ALG14: variants seen among roughly 807,000 people sequenced by gnomAD.
ALG14 encodes UDP-N-acetylglucosamine transferase subunit ALG14.
In ALG14, 17 loss-of-function variants were observed where a neutral mutation model predicts 22.8. The observed-to-expected ratio is 0.75, with a 90% CI of 0.51 to 1.12. ALG14 has a LOEUF of 1.12. Among genes scored for constraint, ALG14 ranks in the 50% most tolerant of loss-of-function variants. The pLI is 0.00. For synonymous variants in ALG14, 89 were observed against 103.7 expected, an observed-to-expected ratio of 0.86 and a Z score of 0.86; for missense variants, 288 against 271.8, an observed-to-expected ratio of 1.06 and a Z score of -0.42.
chr1:94,992,872 AAC>A (rs1156477101), intron 3 of ALG14, among the ~76,000 whole-genome samples: 5 of 152,230 alleles, frequency 3.3e-5, no homozygotes, highest in South Asian at 4.2e-4. Context: ...GAAAGCATTT[AAC>A]ACAGTGCTTG....
chr1:94,993,085 T>C (rs950798458), intron 3 of ALG14, among the ~76,000 whole-genome samples: 23 of 148,962 alleles, frequency 1.5e-4, no homozygotes, highest in Non-Finnish European at 2.8e-4. Flanking sequence ...TGACCTGGCA[T>C]GACTTAGCCT....
chr1:95,021,290 T>A (rs1174135154), intron 3 of ALG14, among the ~76,000 whole-genome samples: 1 of 152,182 alleles, frequency 6.6e-6, no homozygotes, highest in African/African-American at 2.4e-5. Flanking sequence ...CGCTCTAGAA[T>A]AGGTGCTAGC....
intron 2 of ALG14, among the ~76,000 whole-genome samples, chr1:95,056,093 T>C (rs959257160): frequency 2.0e-5 from 3 of 150,294 alleles, no homozygotes; most frequent in African/African-American, 7.3e-5. Flanking sequence ...GGGTGAGGGA[T>C]AGACAAACAA....
rs1673764212 is a variant in ALG14 at position 95,024,745 on chromosome 1, T to TC, written c.420+2383dup. On this transcript the variant is annotated intron_variant, in intron 3 of 3. Coordinates refer to ENST00000370205, the MANE Select transcript of ALG14 (RefSeq NM_144988.4). ...ATCCTATCACAGAATAGGGTCCTAG[T>TC]CAAGTTTCATCATGAGATTTTAGGA... Among the ~76,000 whole-genome samples, 4 of 152,190 alleles carry TC rather than the reference T, an allele frequency of 2.6e-5. No homozygotes were observed. In the South Asian group the frequency reaches 6.2e-4, roughly 24 times the overall value.
chr1:95,069,072 C>T (rs542559304), intron 1 of ALG14, among the ~76,000 whole-genome samples: 1 of 152,318 alleles, frequency 6.6e-6, no homozygotes, highest in East Asian at 1.9e-4. Flanking sequence ...GTGCTATCAC[C>T]TTCTTTTCAC....
At chr1:95,035,392 C>T (rs1235847845) in intron 2 of ALG14, among the ~76,000 whole-genome samples, 1 of 152,222 alleles carries the variant, frequency 6.6e-6, no homozygotes, top group Admixed American at 6.5e-5. Flanking sequence ...ACCTTTCCAT[C>T]TCAGCTTCCT....
chr1:95,007,728 T>C (rs1228593779), intron 3 of ALG14, among the ~76,000 whole-genome samples: 1 of 152,234 alleles, frequency 6.6e-6, no homozygotes, highest in Non-Finnish European at 1.5e-5. Context: ...ATGGAAACTA[T>C]AGCAGACCTC....
chr1:95,044,693 G>C (rs919132887), intron 2 of ALG14, among the ~76,000 whole-genome samples: 1 of 152,030 alleles, frequency 6.6e-6, no homozygotes, highest in African/African-American at 2.4e-5. Flanking sequence ...CCTTCTAACA[G>C]ACTTTACTAT....
In ALG14 at chr1:94,980,179, AG is replaced by A. The variant is rs1672471495; in HGVS notation, c.*2896del. 1.3e-5 allele frequency: 2 copies of A among 152,164 alleles called. No individual in the cohort carries two copies. The highest frequency in any genetic ancestry group is 6.5e-5 in the Admixed American group (1 of 15,282). 9.4% of individuals were successfully genotyped at this position (152,164 alleles called of 1,614,324 possible). On this transcript the variant is annotated 3_prime_UTR_variant, in exon 4 of 4. Coordinates refer to ENST00000370205, the MANE Select transcript of ALG14 (RefSeq NM_144988.4). ...TGATGTGTTCCAAGTTGCTTTTATA[AG>A]GGGAAGCTTGGGTCATCTCCTTCCT...
In ALG14 at chr1:94,993,160, C is replaced by T. The variant is rs963548887; in HGVS notation, c.421-9854G>A. Among the ~76,000 whole-genome samples, 3 of 148,532 alleles carry T rather than the reference C, an allele frequency of 2.0e-5. No individual in the cohort carries two copies. In the Admixed American group the frequency reaches 2.1e-4, roughly 10 times the overall value. On this transcript the variant is annotated intron_variant, in intron 3 of 3. Transcript: ENST00000370205. Reference sequence around the variant, plus strand: ...CACTTTGGTCTCTTTGTCTTCCAGTCTTATATATCACTTGGAGTAGACTGG... The same window carrying T: ...CACTTTGGTCTCTTTGTCTTCCAGTTTTATATATCACTTGGAGTAGACTGG...
chr1:94,992,255 C>T (rs148782307), intron 3 of ALG14, among the ~76,000 whole-genome samples: 5 of 152,054 alleles, frequency 3.3e-5, no homozygotes, highest in Admixed American at 3.3e-4. Context: ...CTTGTTTACC[C>T]GTGCTACATT....
chr1:95,019,691 G>C (rs937627364), intron 3 of ALG14, among the ~76,000 whole-genome samples: 2 of 152,132 alleles, frequency 1.3e-5, no homozygotes, highest in African/African-American at 4.8e-5. Flanking sequence ...GTAAAGAAGC[G>C]ATAACCTGGC....
At chr1:95,062,531 T>A (rs896695503) in intron 2 of ALG14, among the ~76,000 whole-genome samples, 1 of 152,188 alleles carries the variant, frequency 6.6e-6, no homozygotes, top group East Asian at 1.9e-4. Context: ...CTCCTACTTA[T>A]AAGTGAAAAC....
intron 1 of ALG14, among the ~76,000 whole-genome samples, chr1:95,068,482 G>A (rs1388707735): frequency 6.6e-6 from 1 of 152,042 alleles, no homozygotes; most frequent in African/African-American, 2.4e-5. Context: ...TAGAGATGGG[G>A]TTTTGCCATG....
intron 3 of ALG14, among the ~76,000 whole-genome samples, chr1:94,997,188 C>G (rs1242379920): frequency 6.6e-6 from 1 of 152,150 alleles, no homozygotes; most frequent in Non-Finnish European, 1.5e-5. Context: ...AAATGGTTTG[C>G]TGCAGGTGCT....
In ALG14 at chr1:94,978,522, C is replaced by T. The variant is rs1340925721; in HGVS notation, c.*4554G>A. The stretch of plus-strand genomic sequence containing the variant: ...TTCATTATTCCTTCCACAGGTGTTT[C>T]TAAGAACAAGGACTGCAATTCGATG... On this transcript the variant is annotated 3_prime_UTR_variant, in exon 4 of 4. Coordinates refer to ENST00000370205, the MANE Select transcript of ALG14 (RefSeq NM_144988.4). The T allele has an allele frequency of 6.6e-6, 1 of 152,172 alleles. No individual in the cohort carries two copies. Among genetic ancestry groups the T allele is most frequent in the East Asian group, 1.9e-4 (1 of 5,192 alleles). The allele number at this position is 152,172 out of a possible 1,614,324, so 9.4% of individuals were successfully genotyped here.
Position 95,027,246 on chromosome 1 carries a change from G to A in ALG14, c.303C>T (p.Tyr101=). 1.2e-6 allele frequency: 2 copies of A among 1,614,104 alleles called. No individual in the cohort carries two copies. The highest frequency in any genetic ancestry group is 1.7e-6 in the Non-Finnish European group (2 of 1,179,986). ...CCCGGCTTCTTGGAATTCGGTGAAT[G>A]TAGTATTTGGTATACTAGAAGGAAA... ...RDPSNMYTKY[Y]IHRIPRSREV... Residue 101 remains tyrosine, a synonymous_variant, in exon 3 of 4, where the codon TAC becomes TAT. Transcript: ENST00000370205.
At chr1:94,987,538 G>A (rs1470755694) in intron 3 of ALG14, among the ~76,000 whole-genome samples, 1 of 152,206 alleles carries the variant, frequency 6.6e-6, no homozygotes, top group Non-Finnish European at 1.5e-5. Flanking sequence ...GAGCATAGAT[G>A]AGCCAGATCA....
rs770061631 is a variant in ALG14 at position 95,064,869 on chromosome 1, G to C, written c.285C>G (p.Asn95Lys). 1.2e-6 allele frequency: 2 copies of C among 1,608,080 alleles called. No homozygotes were observed. Among genetic ancestry groups the C allele is most frequent in the Non-Finnish European group, 1.7e-6 (2 of 1,177,376 alleles). ...ELDRADRDPSNMYTKYYIHRI... is the reference protein window; with the variant it reads ...ELDRADRDPSKMYTKYYIHRI... ...AGAAATAGAAATTGTCACTTACCAT[G>C]TTACTAGGGTCTCTATCAGCTCGAT... Residue 95 changes from asparagine to lysine, a missense_variant, in exon 2 of 4, where the codon AAC becomes AAG. By Grantham distance (94) the Asn-to-Lys change is moderately conservative. Transcript: ENST00000370205.
Sources: gnomAD v4.1 joint callset for allele counts (sites outside exome capture counted in the v4.1 genomes callset) on GRCh38, gnomAD v4.1.1 for gene constraint, MANE v1.5 for transcripts, NCBI Gene and HGNC (gene_info 2026-07-23, HGNC 2026-07-21) for gene names.